The following PTTG1IP variants were observed in gnomAD, a reference collection of about 807,000 sequenced individuals.
PTTG1IP encodes the protein pituitary tumor-transforming gene 1 protein-interacting protein.
In PTTG1IP, 16 loss-of-function variants were observed where a neutral mutation model predicts 24.4. The observed-to-expected ratio is 0.66, with a 90% confidence interval of 0.44 to 1.00. PTTG1IP has a LOEUF of 1.00. Ranked by LOEUF, PTTG1IP falls within the 50% of genes least tolerant of loss-of-function variation. The pLI, the probability that PTTG1IP is intolerant of heterozygous loss-of-function variation, is 0.00. For synonymous variants in PTTG1IP, 89 were observed against 96.8 expected (o/e 0.92, Z 0.47); for missense variants, 241 against 245.8 (o/e 0.98, Z 0.13).
intron 2 of PTTG1IP, among the ~76,000 whole-genome samples, chr21:44,865,168 T>C (rs2083525796): frequency 6.6e-6 from 1 of 152,192 alleles, no homozygotes; most frequent in African/African-American, 2.4e-5. Context: ...AGGAGTGAAA[T>C]CATGGATACT....
At chr21:44,854,507 G>A (rs890916017) in intron 5 of PTTG1IP, among the ~76,000 whole-genome samples, 7 of 143,574 alleles carry the variant, frequency 4.9e-5, no homozygotes, top group Non-Finnish European at 7.8e-5. Context: ...AACCCAGCGC[G>A]GGAGACACTA....
At chr21:44,869,550 C>A (rs577067218) in intron 1 of PTTG1IP, among the ~76,000 whole-genome samples, 1 of 152,234 alleles carries the variant, frequency 6.6e-6, no homozygotes, top group Non-Finnish European at 1.5e-5. Flanking sequence ...CCTCCCACCT[C>A]GGCCTCCAAA....
At chr21:44,868,198 C>T (rs563286939) in intron 1 of PTTG1IP, among the ~76,000 whole-genome samples, 8 of 152,310 alleles carry the variant, frequency 5.3e-5, no homozygotes, top group African/African-American at 1.7e-4. Flanking sequence ...TTGATAAGAA[C>T]AGCACTGCTG....
chr21:44,853,334 C>T (rs2083424508), intron 5 of PTTG1IP, among the ~76,000 whole-genome samples: 1 of 152,024 alleles, frequency 6.6e-6, no homozygotes, highest in African/African-American at 2.4e-5. Context: ...AGTGAAACCC[C>T]ATCTCTACTA....
intron 1 of PTTG1IP, among the ~76,000 whole-genome samples, chr21:44,866,327 T>G (rs1601255704): frequency 1.4e-5 from 1 of 73,700 alleles, no homozygotes; most frequent in Non-Finnish European, 2.2e-5. Context: ...ACTCCCCCAA[T>G]CCCATAACAC....
At chr21:44,863,727 T>A (rs1428335195) in intron 2 of PTTG1IP, among the ~76,000 whole-genome samples, 1 of 152,218 alleles carries the variant, frequency 6.6e-6, no homozygotes, top group Admixed American at 6.5e-5. Flanking sequence ...ATCTAGAAAA[T>A]GCACCAGGAC....
Position 44,851,593 on chromosome 21 carries a change from A to T in PTTG1IP, c.531T>A (p.Phe177Leu). The change falls in exon 6 of 6, where the codon TTT (phenylalanine) becomes TTA (leucine). Residue 177 changes from phenylalanine (F) to leucine (L), a missense_variant. Coordinates refer to ENST00000330938, the MANE Select transcript of PTTG1IP (RefSeq NM_004339.4). Reference sequence around the variant, plus strand: ...GTGCTGGAGCGCTTTAGTTGTTTTCAAATCTAGCATACGGGTTTTCTTCTT... The same window carrying T: ...GTGCTGGAGCGCTTTAGTTGTTTTCTAATCTAGCATACGGGTTTTCTTCTT... ...LFKEENPYARFENN is the reference protein window; with the variant it reads ...LFKEENPYARLENN 6.3e-7 allele frequency: 1 copy of T among 1,593,844 alleles called. No homozygotes were observed. The highest frequency in any genetic ancestry group is 8.6e-7 in the Non-Finnish European group (1 of 1,163,094).
intron 5 of PTTG1IP, among the ~76,000 whole-genome samples, 161 bp downstream of exon 5, chr21:44,855,049 C>T (rs544389516): frequency 8.5e-5 from 13 of 152,176 alleles, no homozygotes; most frequent in Non-Finnish European, 1.9e-4. Flanking sequence ...ACCACAGAAC[C>T]GCTGGGGACA....
chr21:44,853,896 C>T (rs1437276572), intron 5 of PTTG1IP, among the ~76,000 whole-genome samples: 3 of 152,224 alleles, frequency 2.0e-5, no homozygotes, highest in Non-Finnish European at 2.9e-5. Context: ...CAGCCTCACG[C>T]CCCCAAGCCG....
rs741951 is a variant in PTTG1IP at position 44,849,611 on chromosome 21, G to A, written c.*1970C>T. ...ACTAAACACACGCAGGTAGTAAACC[G>A]TTTTATTGGAAACTGGTTAAAAATT... On this transcript the variant is annotated 3_prime_UTR_variant, in exon 6 of 6. Coordinates refer to ENST00000330938, the MANE Select transcript of PTTG1IP (RefSeq NM_004339.4). The A allele has an allele frequency of 0.14, 20,767 of 152,614 alleles. 1,516 individuals are homozygous for A. The highest frequency in any genetic ancestry group is 0.22 in the Middle Eastern group (64 of 294). 9.5% of individuals were successfully genotyped at this position (152,614 alleles called of 1,614,324 possible).
intron 1 of PTTG1IP, among the ~76,000 whole-genome samples, chr21:44,869,357 T>C (rs979525052): frequency 1.3e-5 from 2 of 152,228 alleles, no homozygotes; most frequent in African/African-American, 2.4e-5. Context: ...TCTTAGGAGA[T>C]AGACTCTGAA....
At chr21:44,865,545 AC>A (rs1409752527) in intron 1 of PTTG1IP, 98 bp from the exon 2 acceptor site, 2 of 1,191,422 alleles carry the variant, frequency 1.7e-6, no homozygotes, top group Non-Finnish European at 2.5e-6. Context: ...GGGGTGTGGC[AC>A]CAAGAACCTC....
chr21:44,863,197 ACCACGGCCTCAGCAGCAGAGACACAG>A (rs1569324918), intron 2 of PTTG1IP, among the ~76,000 whole-genome samples: 9,015 of 98,196 alleles, frequency 0.092, 1,024 homozygotes, highest in East Asian at 0.3. Context: ...GACACAGCCC[ACCACGGCCTCAGCAGCAGAGACACAG>A]CCCACCACGG....
Position 44,865,393 on chromosome 21 carries a change from A to T in PTTG1IP, c.168+2T>A. ...CTGGTCTCTAGTCCACGTGCTACTT[A>T]CGGAGACGTTCTTCAGGCACTCTTC... On this transcript the variant is annotated splice_donor_variant, in intron 2 of 5. Transcript: ENST00000330938. LOFTEE classifies it high-confidence loss of function. 1 of 1,614,084 alleles carries T rather than the reference A, an allele frequency of 6.2e-7. No homozygotes were observed. Among genetic ancestry groups the T allele is most frequent in the Non-Finnish European group, 8.5e-7 (1 of 1,179,948 alleles).
rs755481372 is a variant in PTTG1IP at position 44,856,278 on chromosome 21, T to TGCAGCAGCA, written c.355_363dup (p.Cys119_Cys121dup). On this transcript the variant is annotated inframe_insertion, in exon 4 of 6. Coordinates refer to ENST00000330938, the MANE Select transcript of PTTG1IP (RefSeq NM_004339.4). ...TCCGGCTTCCGGCTCCTCTTCCTCC[T>TGCAGCAGCA]GCAGCAGCAGCAGCAGCAGATGGCA... is the stretch of plus-strand genomic sequence containing the variant. The TGCAGCAGCA allele has an allele frequency of 1.2e-6, 2 of 1,612,304 alleles. No individual in the cohort carries two copies. Among genetic ancestry groups the TGCAGCAGCA allele is most frequent in the South Asian group, 1.1e-5 (1 of 91,022 alleles).
chr21:44,857,465 C>G (rs980766074), intron 3 of PTTG1IP, among the ~76,000 whole-genome samples: 1 of 152,202 alleles, frequency 6.6e-6, no homozygotes, highest in South Asian at 2.1e-4. Flanking sequence ...CCAGCCCGGG[C>G]AACACGGCAA....
intron 3 of PTTG1IP, among the ~76,000 whole-genome samples, chr21:44,860,819 T>G (rs944954704): frequency 1.3e-5 from 2 of 152,000 alleles, no homozygotes; most frequent in African/African-American, 4.8e-5. Flanking sequence ...ATTTTCTTTT[T>G]TTTTTGAGAC....
At chr21:44,858,211 A>G (rs1204850924) in intron 3 of PTTG1IP, among the ~76,000 whole-genome samples, 1 of 152,252 alleles carries the variant, frequency 6.6e-6, no homozygotes, top group Non-Finnish European at 1.5e-5. Context: ...TCAAGTAAGC[A>G]TGTTTATCAG....
intron 1 of PTTG1IP, among the ~76,000 whole-genome samples, chr21:44,866,185 G>A (rs969826370): frequency 3.3e-5 from 5 of 150,328 alleles, no homozygotes; most frequent in Non-Finnish European, 5.9e-5. Context: ...CAACCAAGCT[G>A]ACTGCCTACT....
Sources: gnomAD v4.1 joint callset for allele counts (sites outside exome capture counted in the v4.1 genomes callset) on GRCh38, gnomAD v4.1.1 for gene constraint, MANE v1.5 for transcripts, NCBI Gene and HGNC (gene_info 2026-07-23, HGNC 2026-07-21) for gene names.